Variants in IGFBP7 observed in about 807,000 individuals in gnomAD.
IGFBP7 encodes the protein insulin like growth factor binding protein 7.
IGFBP7 carries 31 observed loss-of-function variants against 29.4 expected under a neutral mutation model. The ratio of observed to expected loss-of-function variants is 1.05; its 90% CI spans 0.79 to 1.42. The LOEUF (loss-of-function observed/expected upper bound fraction) is 1.42, where lower values mean the gene tolerates loss of function less well. IGFBP7 is among the 40% of genes most tolerant of loss of function. The pLI is 0.00. For synonymous variants in IGFBP7, 172 were observed against 174.9 expected (o/e 0.98, Z 0.13); for missense variants, 393 against 395.5 (o/e 0.99, Z 0.05).
intron 1 of IGFBP7, among the ~76,000 whole-genome samples, chr4:57,098,390 T>C (rs1480779673): frequency 6.6e-6 from 1 of 152,118 alleles, no homozygotes; most frequent in African/African-American, 2.4e-5. Context: ...AGGCCTCAGA[T>C]GAGAGGACAT....
intron 1 of IGFBP7, among the ~76,000 whole-genome samples, chr4:57,106,317 A>G (rs1348319425): frequency 6.6e-6 from 1 of 152,154 alleles, no homozygotes; most frequent in Non-Finnish European, 1.5e-5. Flanking sequence ...TGAACACTCA[A>G]TCATCATGCT....
At chr4:57,062,538 A>C (rs534503552) in intron 1 of IGFBP7, among the ~76,000 whole-genome samples, 5 of 152,270 alleles carry the variant, frequency 3.3e-5, no homozygotes, top group African/African-American at 1.2e-4. Context: ...CTTTTACTGA[A>C]TTCTGGGTGG....
chr4:57,036,903 A>G (rs1724095770), intron 2 of IGFBP7, among the ~76,000 whole-genome samples: 1 of 152,216 alleles, frequency 6.6e-6, no homozygotes. Flanking sequence ...AACACACATG[A>G]TAGTAAATAT....
intron 1 of IGFBP7, among the ~76,000 whole-genome samples, chr4:57,058,396 A>G (rs1309916903): frequency 6.6e-6 from 1 of 152,212 alleles, no homozygotes; most frequent in East Asian, 1.9e-4. Context: ...TACTGGTACA[A>G]AAACAAACAT....
intron 1 of IGFBP7, among the ~76,000 whole-genome samples, chr4:57,046,928 A>G (rs958285134): frequency 4.6e-5 from 7 of 152,216 alleles, no homozygotes; most frequent in African/African-American, 1.7e-4. Context: ...CAATCTCTTT[A>G]GATCCTTCTC....
intron 1 of IGFBP7, among the ~76,000 whole-genome samples, chr4:57,052,148 T>C (rs1425012755): frequency 6.6e-6 from 1 of 152,088 alleles, no homozygotes; most frequent in Non-Finnish European, 1.5e-5. Context: ...ATTAAGGCTC[T>C]AACTCAAGGT....
chr4:57,037,264 A>G (rs924995293), intron 2 of IGFBP7, among the ~76,000 whole-genome samples: 1 of 152,240 alleles, frequency 6.6e-6, no homozygotes, highest in African/African-American at 2.4e-5. Context: ...CCGGCAGAGC[A>G]TCACAGTTGG....
intron 1 of IGFBP7, among the ~76,000 whole-genome samples, chr4:57,077,760 ATC>A (rs1725262182): frequency 6.6e-6 from 1 of 152,164 alleles, no homozygotes; most frequent in Non-Finnish European, 1.5e-5. Context: ...CACTCACAGA[ATC>A]TCTGCATTCA....
At chr4:57,092,664 A>G (rs1725669036) in intron 1 of IGFBP7, among the ~76,000 whole-genome samples, 1 of 150,644 alleles carries the variant, frequency 6.6e-6, no homozygotes, top group African/African-American at 2.4e-5. Flanking sequence ...AATACATAAA[A>G]ATTTATATAT....
intron 1 of IGFBP7, among the ~76,000 whole-genome samples, chr4:57,096,066 A>G (rs1725755321): frequency 6.6e-6 from 1 of 152,062 alleles, no homozygotes; most frequent in African/African-American, 2.4e-5. Flanking sequence ...GTGAAATAAT[A>G]GAAAGATTGG....
At chr4:57,083,548 A>G (rs1462668860) in intron 1 of IGFBP7, among the ~76,000 whole-genome samples, 2 of 152,238 alleles carry the variant, frequency 1.3e-5, no homozygotes, top group African/African-American at 4.8e-5. Context: ...TTTGCTTATC[A>G]AATATTTTGC....
chr4:57,056,013 GC>G (rs1724662220), intron 1 of IGFBP7, among the ~76,000 whole-genome samples: 1 of 151,978 alleles, frequency 6.6e-6, no homozygotes, highest in African/African-American at 2.4e-5. Flanking sequence ...TACCCTCCAG[GC>G]CCCGGACTCC....
intron 1 of IGFBP7, among the ~76,000 whole-genome samples, chr4:57,088,038 G>A (rs1005000480): frequency 3.9e-5 from 6 of 152,150 alleles, no homozygotes; most frequent in African/African-American, 1.4e-4. Context: ...GCACAATCAC[G>A]GCTCACTGCA....
At chr4:57,052,530 C>CA (rs1218958976) in intron 1 of IGFBP7, among the ~76,000 whole-genome samples, 1 of 152,182 alleles carries the variant, frequency 6.6e-6, no homozygotes, top group African/African-American at 2.4e-5. Flanking sequence ...ACAGATTTGG[C>CA]ACTCCCTCTC....
chr4:57,092,667 T>TTATA lies in IGFBP7; in HGVS notation c.475+17206_475+17209dup, dbSNP rs533941218. 2.7e-5 allele frequency among the ~76,000 whole-genome samples: 4 copies of TTATA among 149,594 alleles called. No individual in the cohort carries two copies. The South Asian group carries it at 8.4e-4, about 31-fold the overall frequency. ...ATCACTAATGTCAATACATAAAAATTTATATATATATATATAAATCTTCAT... is the reference window on the plus strand; with the variant it reads ...ATCACTAATGTCAATACATAAAAATTTATATATATATATATATATAAATCTTCAT... On this transcript the variant is annotated intron_variant, in intron 1 of 4. Transcript: ENST00000295666.
At chr4:57,104,337 G>A (rs1725970060) in intron 1 of IGFBP7, among the ~76,000 whole-genome samples, 1 of 151,732 alleles carries the variant, frequency 6.6e-6, no homozygotes, top group Non-Finnish European at 1.5e-5. Flanking sequence ...CTTCCACTAA[G>A]TGATTCTTGG....
chr4:57,089,981 A>G (rs1725594764), intron 1 of IGFBP7, among the ~76,000 whole-genome samples: 1 of 152,224 alleles, frequency 6.6e-6, no homozygotes, highest in Admixed American at 6.5e-5. Flanking sequence ...AAAGAGTGAA[A>G]GGACCCTGGT....
At chr4:57,064,836 G>C (rs1234365673) in intron 1 of IGFBP7, among the ~76,000 whole-genome samples, 5 of 152,188 alleles carry the variant, frequency 3.3e-5, no homozygotes, top group Non-Finnish European at 7.3e-5. Context: ...TCAACTTCTT[G>C]CACTTTATTA....
rs114638831 is a variant in IGFBP7 at position 57,104,527 on chromosome 4, A to G, written c.475+5350T>C. ...AACTTTCAATGAAGTTCATACATTT[A>G]CTGAAGGATAGTAGAACATGGACAT... is the stretch of plus-strand genomic sequence containing the variant. On this transcript the variant is annotated intron_variant, in intron 1 of 4. Transcript: ENST00000295666. Among the ~76,000 whole-genome samples, 279 of 152,362 alleles carry G rather than the reference A, an allele frequency of 1.8e-3. 2 individuals are homozygous for G. The highest frequency in any genetic ancestry group is 6.3e-3 in the African/African-American group (264 of 41,586).
Sources: gnomAD v4.1 joint callset for allele counts (sites outside exome capture counted in the v4.1 genomes callset) on GRCh38, gnomAD v4.1.1 for gene constraint, MANE v1.5 for transcripts, NCBI Gene and HGNC (gene_info 2026-07-23, HGNC 2026-07-21) for gene names.